Variants in GLIS1 observed in about 807,000 individuals in gnomAD.
The protein encoded by GLIS1 is GLIS family zinc finger 1, also known as zinc finger protein GLIS1.
A neutral mutation model predicts 63.8 loss-of-function variants in GLIS1; 24 were observed. The ratio of observed to expected loss-of-function variants is 0.38; its 90% CI spans 0.27 to 0.53. GLIS1 has a LOEUF of 0.53. Among genes scored for constraint, GLIS1 ranks in the 20% least tolerant of loss-of-function variants. GLIS1 has a pLI of 0.85. For missense variants in GLIS1, 1,036 were observed against 1,074.1 expected, an observed-to-expected ratio of 0.96 and a Z score of 0.50; for synonymous variants, 450 against 482.5, an observed-to-expected ratio of 0.93 and a Z score of 0.88.
In GLIS1 at chr1:53,514,780, ACC is replaced by A; in HGVS notation, c.1727-1_1727del. ...GGGGGGTGATGGAGCCAGGATACACACCTGCAGGGAATCAAACAAGGCTCACT... is the reference window on the plus strand; with the variant it reads ...GGGGGGTGATGGAGCCAGGATACACATGCAGGGAATCAAACAAGGCTCACT... On this transcript the variant is annotated splice_acceptor_variant and coding_sequence_variant, in exon 8 of 11. Coordinates refer to ENST00000628545, the MANE Select transcript of GLIS1 (RefSeq NM_001367484.1). LOFTEE classifies it high-confidence loss of function. 1.9e-6 allele frequency: 3 copies of A among 1,581,628 alleles called. No individual in the cohort carries two copies. The highest frequency in any genetic ancestry group is 2.6e-6 in the Non-Finnish European group (3 of 1,164,268).
intron 3 of GLIS1, among the ~76,000 whole-genome samples, chr1:53,597,206 A>C (rs997149520): frequency 5.7e-5 from 8 of 139,348 alleles, no homozygotes; most frequent in East Asian, 4.1e-4. Context: ...AAAAAAAAAA[A>C]AAAAACACTA....
At chr1:53,580,315 T>A (rs562038299) in intron 4 of GLIS1, among the ~76,000 whole-genome samples, 6 of 152,294 alleles carry the variant, frequency 3.9e-5, no homozygotes, top group Admixed American at 3.9e-4. Flanking sequence ...CCTACAGGCC[T>A]CCCTACCTGT....
At chr1:53,690,688 G>A (rs887245073) in intron 2 of GLIS1, among the ~76,000 whole-genome samples, 9 of 152,186 alleles carry the variant, frequency 5.9e-5, no homozygotes, top group African/African-American at 2.2e-4. Context: ...CTGAGAAAAT[G>A]AGACTCAGGA....
chr1:53,531,463 C>T (rs1644530418), intron 4 of GLIS1, among the ~76,000 whole-genome samples: 1 of 152,188 alleles, frequency 6.6e-6, no homozygotes, highest in South Asian at 2.1e-4. Flanking sequence ...ACTGTGGGCT[C>T]ATTTCAGACC....
chr1:53,519,726 C>T (rs1199368677), intron 7 of GLIS1, among the ~76,000 whole-genome samples: 1 of 152,266 alleles, frequency 6.6e-6, no homozygotes, highest in African/African-American at 2.4e-5. Context: ...GTTGGAGGGG[C>T]CCGCAGAGTC....
intron 2 of GLIS1, among the ~76,000 whole-genome samples, chr1:53,634,773 A>G (rs901947186): frequency 2.0e-5 from 3 of 152,072 alleles, no homozygotes; most frequent in Non-Finnish European, 2.9e-5. Context: ...CCAACCCCAG[A>G]GTGGGTGGGG....
intron 4 of GLIS1, among the ~76,000 whole-genome samples, chr1:53,562,798 C>T (rs183498343): frequency 2.0e-5 from 3 of 152,220 alleles, no homozygotes; most frequent in Non-Finnish European, 2.9e-5. Context: ...GCGGGAGACA[C>T]GAATGAAATG....
chr1:53,513,589 T>C (rs1268165906), intron 8 of GLIS1, among the ~76,000 whole-genome samples: 1 of 152,100 alleles, frequency 6.6e-6, no homozygotes, highest in Non-Finnish European at 1.5e-5. Flanking sequence ...CACACCCCAC[T>C]GGGCTCTCCT....
At chr1:53,657,937 C>T (rs924681316) in intron 2 of GLIS1, among the ~76,000 whole-genome samples, 1 of 152,178 alleles carries the variant, frequency 6.6e-6, no homozygotes, top group African/African-American at 2.4e-5. Context: ...ATCCTCTCAG[C>T]CTGGGCTCTC....
intron 4 of GLIS1, among the ~76,000 whole-genome samples, chr1:53,548,130 C>T (rs908199789): frequency 3.3e-5 from 5 of 152,242 alleles, no homozygotes; most frequent in Non-Finnish European, 5.9e-5. Flanking sequence ...TCCCCTCCAG[C>T]TGCCGCACTC....
At chr1:53,588,280 T>C (rs774151983) in intron 4 of GLIS1, among the ~76,000 whole-genome samples, 3 of 152,234 alleles carry the variant, frequency 2.0e-5, no homozygotes, top group South Asian at 2.1e-4. Context: ...AAGTCTCACA[T>C]CACAACATCT....
intron 2 of GLIS1, among the ~76,000 whole-genome samples, chr1:53,688,461 A>G (rs770624722): frequency 1.3e-5 from 2 of 151,964 alleles, no homozygotes; most frequent in Non-Finnish European, 2.9e-5. Context: ...CACCTTTCCC[A>G]CCACCCTCTC....
chr1:53,614,515 C>T (rs1056913483), intron 2 of GLIS1, among the ~76,000 whole-genome samples: 27 of 152,078 alleles, frequency 1.8e-4, no homozygotes, highest in African/African-American at 3.1e-4. Flanking sequence ...CTGGGGGCTG[C>T]GGTGAGGATG....
rs534081504 is a variant in GLIS1 at position 53,735,316 on chromosome 1, G to A, written c.259+2490C>T. Among the ~76,000 whole-genome samples the A allele has an allele frequency of 7.2e-5, 11 of 152,290 alleles. No homozygotes were observed. In the South Asian group the frequency reaches 1.0e-3, roughly 14 times the overall value. On this transcript the variant is annotated intron_variant, in intron 2 of 10. Coordinates refer to ENST00000628545, the MANE Select transcript of GLIS1 (RefSeq NM_001367484.1). ...TCTCAAGTGTCACTGACCCTTGCAT[G>A]GGCCCTGCACGAATTAATAAAAGTG...
At position 53,509,194 on chromosome 1, in the gene GLIS1, A is replaced by C. The variant is rs779656693; in HGVS notation, c.2156T>G (p.Val719Gly). ...AEPAAGGDGL[V>G]GETHGFNPLR... Reference sequence around the variant, plus strand: ...GGGGTTGAAACCGTGGGTCTCCCCGACCAGTCCGTCCCCACCGGCTGCTGG... The same window carrying C: ...GGGGTTGAAACCGTGGGTCTCCCCGCCCAGTCCGTCCCCACCGGCTGCTGG... Residue 719 changes from valine to glycine, a missense_variant, in exon 10 of 11, where the codon GTC (valine) becomes GGC (glycine). Coordinates refer to ENST00000628545, the MANE Select transcript of GLIS1 (RefSeq NM_001367484.1). The C allele has an allele frequency of 6.2e-7, 1 of 1,600,404 alleles. No individual in the cohort carries two copies. Among genetic ancestry groups the C allele is most frequent in the African/African-American group, 1.3e-5 (1 of 74,862 alleles).
chr1:53,638,833 C>T (rs1168825905), intron 2 of GLIS1, among the ~76,000 whole-genome samples: 1 of 152,180 alleles, frequency 6.6e-6, no homozygotes, highest in Non-Finnish European at 1.5e-5. Context: ...GAGGCGGGCC[C>T]TGACCAGGAG....
intron 2 of GLIS1, among the ~76,000 whole-genome samples, chr1:53,723,339 A>G (rs996822441): frequency 1.3e-5 from 2 of 151,348 alleles, no homozygotes; most frequent in African/African-American, 4.9e-5. Flanking sequence ...ATGTTCTTCA[A>G]GCAATTCTCC....
chr1:53,648,708 T>C (rs1645873229), intron 2 of GLIS1, among the ~76,000 whole-genome samples: 1 of 152,034 alleles, frequency 6.6e-6, no homozygotes, highest in Non-Finnish European at 1.5e-5. Context: ...AAACATAATG[T>C]TGAGTGAAAA....
chr1:53,643,774 C>T (rs375146674), intron 2 of GLIS1, among the ~76,000 whole-genome samples: 13 of 152,164 alleles, frequency 8.5e-5, no homozygotes, highest in African/African-American at 3.1e-4. Flanking sequence ...GAGCAGCACC[C>T]CCGGGGTCTC....
Sources: allele counts gnomAD v4.1 joint callset (sites outside exome capture counted in the v4.1 genomes callset), GRCh38; gene constraint gnomAD v4.1.1; transcripts MANE v1.5; gene names NCBI Gene and HGNC (gene_info 2026-07-23, HGNC 2026-07-21).